RIMBP2: variants seen among roughly 807,000 people sequenced by gnomAD.
The protein encoded by RIMBP2 is RIMS-binding protein 2.
A neutral mutation model predicts 118.6 loss-of-function variants in RIMBP2; 48 were observed. The ratio of observed to expected loss-of-function variants is 0.40; its 90% CI spans 0.32 to 0.51. The LOEUF is 0.51. Ranked by LOEUF, RIMBP2 falls within the 20% of genes least tolerant of loss-of-function variation. RIMBP2 has a pLI of 0.41. For missense variants in RIMBP2, 1,551 were observed against 1,768.3 expected, an observed-to-expected ratio of 0.88 and a Z score of 2.20; for synonymous variants, 762 against 742.9, an observed-to-expected ratio of 1.03 and a Z score of -0.42.
At chr12:130,715,781 A>C (rs1401917775) in intron 1 of RIMBP2, among the ~76,000 whole-genome samples, 1 of 151,510 alleles carries the variant, frequency 6.6e-6, no homozygotes, top group African/African-American at 2.4e-5. Context: ...GCCCCCAAGA[A>C]GACAAGTCCA....
chr12:130,464,142 G>A (rs12309046), intron 6 of RIMBP2, among the ~76,000 whole-genome samples: 39,849 of 151,592 alleles, frequency 0.26, 6,443 homozygotes, highest in Non-Finnish European at 0.35. Context: ...AAACAACCAC[G>A]AATAGCCCAC....
intron 2 of RIMBP2, among the ~76,000 whole-genome samples, chr12:130,614,170 G>A (rs549266590): frequency 9.8e-5 from 15 of 152,322 alleles, no homozygotes; most frequent in Admixed American, 6.5e-4. Flanking sequence ...CTATGTGACT[G>A]GAAGCAGAAG....
chr12:130,496,772 C>T (rs1322220923), intron 4 of RIMBP2, among the ~76,000 whole-genome samples: 1 of 152,188 alleles, frequency 6.6e-6, no homozygotes, highest in Admixed American at 6.5e-5. Context: ...CCAAGGAGGA[C>T]CGCACACTTC....
chr12:130,458,954 G>T (rs986667007), intron 6 of RIMBP2, among the ~76,000 whole-genome samples: 3 of 150,578 alleles, frequency 2.0e-5, no homozygotes, highest in Non-Finnish European at 4.4e-5. Context: ...TGAGGCAGGA[G>T]AATCACTTGA....
intron 12 of RIMBP2, 139 bp downstream of exon 12, chr12:130,438,226 G>T: frequency 2.2e-6 from 2 of 900,152 alleles, no homozygotes; most frequent in Non-Finnish European, 3.4e-6. Flanking sequence ...CACGCTGATG[G>T]AGTCTTCGGG....
rs111854068 is a variant in RIMBP2, at chr12:130,600,022, G to A, written c.-217+28300C>T. 6.0e-3 allele frequency among the ~76,000 whole-genome samples: 915 copies of A among 152,176 alleles called. 10 individuals are homozygous for A. Among genetic ancestry groups the A allele is most frequent in the African/African-American group, 0.021 (852 of 41,520 alleles). ...AACCGTCTGTCTCTTACCTACCTGC[G>A]ACCTGGGAGCCCCCACTCTGCCTCC... On this transcript the variant is annotated intron_variant, in intron 2 of 22. Coordinates refer to ENST00000690449, the MANE Select transcript of RIMBP2 (RefSeq NM_001393629.1).
chr12:130,614,097 C>G (rs1296364060), intron 2 of RIMBP2, among the ~76,000 whole-genome samples: 1 of 152,246 alleles, frequency 6.6e-6, no homozygotes, highest in African/African-American at 2.4e-5. Flanking sequence ...CCTGATGCAA[C>G]AGGCTGGCCT....
At chr12:130,415,839 G>A (rs575296683) in intron 17 of RIMBP2, among the ~76,000 whole-genome samples, 20 of 152,078 alleles carry the variant, frequency 1.3e-4, no homozygotes, top group Non-Finnish European at 2.1e-4. Context: ...TAAACCAATA[G>A]ACAATTTCAA....
intron 1 of RIMBP2, among the ~76,000 whole-genome samples, chr12:130,674,998 G>A (rs2064385186): frequency 1.3e-5 from 2 of 152,132 alleles, no homozygotes; most frequent in East Asian, 1.9e-4. Flanking sequence ...TTCACGTTTC[G>A]TTTATCTGCT....
chr12:130,597,857 A>G (rs1452581329), intron 2 of RIMBP2, among the ~76,000 whole-genome samples: 2 of 152,244 alleles, frequency 1.3e-5, no homozygotes, highest in Non-Finnish European at 2.9e-5. Context: ...TACCACTTCT[A>G]TTTAAAATTG....
At chr12:130,408,840 G>T (rs1171479723) in intron 19 of RIMBP2, among the ~76,000 whole-genome samples, 2 of 152,212 alleles carry the variant, frequency 1.3e-5, no homozygotes, top group African/African-American at 4.8e-5. Context: ...ACTAAAGTCA[G>T]CGATGTGGCT....
At chr12:130,506,537 G>A in intron 4 of RIMBP2, 111 bp downstream of exon 4, 1 of 751,716 alleles carries the variant, frequency 1.3e-6, no homozygotes, top group Non-Finnish European at 1.6e-6. Context: ...TGTGGATGAT[G>A]GCTTCCAAAG....
chr12:130,707,151 T>G (rs2066160016), intron 1 of RIMBP2, among the ~76,000 whole-genome samples: 1 of 152,226 alleles, frequency 6.6e-6, no homozygotes, highest in East Asian at 1.9e-4. Context: ...CACCCAGGCC[T>G]GAGAGCAGGA....
chr12:130,713,742 T>TC (rs1950131029), intron 1 of RIMBP2, among the ~76,000 whole-genome samples: 1 of 152,086 alleles, frequency 6.6e-6, no homozygotes, highest in Admixed American at 6.5e-5. Flanking sequence ...CTAGGGAGAC[T>TC]CCCGGACACA....
chr12:130,509,726 G>GCGCCCC (rs2050715096), intron 3 of RIMBP2, among the ~76,000 whole-genome samples: 2 of 148,036 alleles, frequency 1.4e-5, no homozygotes, highest in African/African-American at 5.2e-5. Context: ...CATGCCCTCT[G>GCGCCCC]CCCCCCCGCC....
At chr12:130,678,843 C>T (rs2064631648) in intron 1 of RIMBP2, among the ~76,000 whole-genome samples, 1 of 152,052 alleles carries the variant, frequency 6.6e-6, no homozygotes, top group Non-Finnish European at 1.5e-5. Flanking sequence ...TATAAAATGT[C>T]CAGAATGTGC....
chr12:130,669,609 T>C (rs1181297111), intron 1 of RIMBP2, among the ~76,000 whole-genome samples: 2 of 152,184 alleles, frequency 1.3e-5, no homozygotes, highest in Admixed American at 6.5e-5. Context: ...CCTTCCGCCA[T>C]GGTTGTAAGT....
At chr12:130,696,897 G>A (rs2065598322) in intron 1 of RIMBP2, among the ~76,000 whole-genome samples, 1 of 152,172 alleles carries the variant, frequency 6.6e-6, no homozygotes, top group South Asian at 2.1e-4. Context: ...AAAGCACAGA[G>A]GCAGGAAGCA....
intron 1 of RIMBP2, chr12:130,658,938 C>T (rs1175129054): frequency 6.6e-6 from 1 of 151,622 alleles, no homozygotes; most frequent in Admixed American, 6.6e-5. Context: ...CACTCAATCT[C>T]CCTTCCTCCA....
Sources: allele counts gnomAD v4.1 joint callset (sites outside exome capture counted in the v4.1 genomes callset), GRCh38; gene constraint gnomAD v4.1.1; transcripts MANE v1.5; gene names NCBI Gene and HGNC (gene_info 2026-07-23, HGNC 2026-07-21).